The following PDE12 variants were observed in gnomAD, a reference collection of about 807,000 sequenced individuals.
PDE12 encodes 2',5'-phosphodiesterase 12.
PDE12 carries 26 observed loss-of-function variants against 45.4 expected under a neutral mutation model. That is an observed-to-expected ratio of 0.57 (90% CI 0.42 to 0.79). PDE12 has a LOEUF of 0.79. Ranked by LOEUF, PDE12 falls within the 30% of genes least tolerant of loss-of-function variation. PDE12 has a pLI of 0.00. For synonymous variants in PDE12, 283 were observed against 323.9 expected (o/e 0.87, Z 1.36); for missense variants, 668 against 790.0 (o/e 0.85, Z 1.85).
downstream of PDE12, among the ~76,000 whole-genome samples, chr3:57,569,480 G>A (rs2069815159): frequency 6.6e-6 from 1 of 151,960 alleles, no homozygotes; most frequent in Non-Finnish European, 1.5e-5. Context: ...AGCCTCTCGA[G>A]TAGCTGGGAT....
chr3:57,637,987 A>G, the PDE12 span, among the ~76,000 whole-genome samples: 1 of 151,632 alleles, frequency 6.6e-6, no homozygotes, highest in Non-Finnish European at 1.5e-5. Flanking sequence ...TACAAAAATC[A>G]GCTGAGTGTG....
intron 1 of PDE12, among the ~76,000 whole-genome samples, chr3:57,558,075 ATAAAC>A (rs1018280095): frequency 6.6e-6 from 1 of 152,198 alleles, no homozygotes; most frequent in African/African-American, 2.4e-5. Context: ...CTCCATAAAT[ATAAAC>A]TAGTTTTTTT....
chr3:57,579,955 G>C, the PDE12 span, among the ~76,000 whole-genome samples: 2 of 151,942 alleles, frequency 1.3e-5, no homozygotes, highest in Admixed American at 6.6e-5. Context: ...TAAAATTTTA[G>C]TAGGGCATGG....
At chr3:57,630,912 A>T in the PDE12 span, 1 of 1,613,256 alleles carries the variant, frequency 6.2e-7, no homozygotes, top group South Asian at 1.1e-5. Context: ...AATAGATTTG[A>T]ATATATTCAT....
At chr3:57,610,920 A>G in the PDE12 span, among the ~76,000 whole-genome samples, 2 of 152,174 alleles carry the variant, frequency 1.3e-5, no homozygotes, top group Non-Finnish European at 2.9e-5. Context: ...AAGAGCCCGC[A>G]TTGCCAAGAC....
chr3:57,589,938 A>C, the PDE12 span, among the ~76,000 whole-genome samples: 1 of 147,654 alleles, frequency 6.8e-6, no homozygotes, highest in Non-Finnish European at 1.5e-5. Context: ...TAAAAATACA[A>C]AAATTAGCCA....
At chr3:57,558,137 T>TTTTATAGATGTCATTC (rs1451306366) in intron 1 of PDE12, among the ~76,000 whole-genome samples, 18 of 152,200 alleles carry the variant, frequency 1.2e-4, no homozygotes, top group African/African-American at 4.3e-4. Flanking sequence ...CCTATTCCCA[T>TTTTATAGATGTCATTC]TTTATAGATG....
the PDE12 span, among the ~76,000 whole-genome samples, chr3:57,583,308 C>T: frequency 6.6e-6 from 1 of 152,086 alleles, no homozygotes. Context: ...TATTCTGATT[C>T]AAGTCATCTA....
the PDE12 span, chr3:57,597,762 C>G: frequency 1.3e-5 from 2 of 152,652 alleles, no homozygotes; most frequent in Non-Finnish European, 2.9e-5. Flanking sequence ...GGTGAGGAAC[C>G]TCGCCCTCTT....
chr3:57,579,433 G>A, the PDE12 span, among the ~76,000 whole-genome samples: 14 of 151,570 alleles, frequency 9.2e-5, no homozygotes, highest in African/African-American at 2.9e-4. Context: ...GATTACAGGC[G>A]CCCACCATTA....
At chr3:57,593,429 G>C in the PDE12 span, among the ~76,000 whole-genome samples, 8 of 152,040 alleles carry the variant, frequency 5.3e-5, no homozygotes, top group African/African-American at 9.7e-5. Context: ...TCTTTAGCTT[G>C]GTAATATTTT....
chr3:57,590,483 C>T, the PDE12 span, among the ~76,000 whole-genome samples: 2 of 151,634 alleles, frequency 1.3e-5, no homozygotes, highest in Non-Finnish European at 2.9e-5. Flanking sequence ...AAGACTCCGT[C>T]TCAAAAAAAG....
the PDE12 span, chr3:57,577,361 G>A: frequency 7.4e-6 from 12 of 1,613,092 alleles, no homozygotes; most frequent in African/African-American, 4.0e-5. Context: ...TTTCACGATC[G>A]TTGCTATCTA....
the PDE12 span, among the ~76,000 whole-genome samples, chr3:57,651,029 C>G: frequency 6.6e-5 from 10 of 152,094 alleles, no homozygotes; most frequent in Admixed American, 6.5e-4. Context: ...GATGATCTGA[C>G]CACCTTGGCC....
the PDE12 span, chr3:57,631,064 T>C: frequency 8.2e-7 from 1 of 1,215,800 alleles, no homozygotes; most frequent in Non-Finnish European, 1.2e-6. Flanking sequence ...CTTTTAAGTT[T>C]TTAATCATAT....
the PDE12 span, among the ~76,000 whole-genome samples, chr3:57,606,960 C>A: frequency 6.6e-6 from 1 of 152,126 alleles, no homozygotes; most frequent in Non-Finnish European, 1.5e-5. Context: ...CAAGTGGGTC[C>A]CTGACCCCCG....
At chr3:57,598,649 C>T in the PDE12 span, among the ~76,000 whole-genome samples, 5 of 152,080 alleles carry the variant, frequency 3.3e-5, no homozygotes, top group Admixed American at 2.6e-4. Context: ...GGCGTGGTGG[C>T]GGGTGCCTAT....
chr3:57,619,284 G>C, the PDE12 span, among the ~76,000 whole-genome samples: 1 of 152,038 alleles, frequency 6.6e-6, no homozygotes, highest in African/African-American at 2.4e-5. Flanking sequence ...GGAGGCGGAG[G>C]TTGCAGTGAG....
the PDE12 span, among the ~76,000 whole-genome samples, chr3:57,620,975 T>C: frequency 6.6e-6 from 1 of 152,178 alleles, no homozygotes; most frequent in Non-Finnish European, 1.5e-5. Context: ...GTAAGCTGAT[T>C]TTAGAATTTG....
Sources: gnomAD v4.1 joint callset for allele counts (sites outside exome capture counted in the v4.1 genomes callset) on GRCh38, gnomAD v4.1.1 for gene constraint, MANE v1.5 for transcripts, NCBI Gene and HGNC (gene_info 2026-07-23, HGNC 2026-07-21) for gene names.